TRPV3: variants seen among roughly 807,000 people sequenced by gnomAD.
TRPV3 encodes the protein transient receptor potential cation channel subfamily V member 3.
TRPV3 carries 88 observed loss-of-function variants against 87.1 expected under a neutral mutation model. The ratio of observed to expected loss-of-function variants is 1.01; its 90% CI spans 0.85 to 1.21. TRPV3 has a LOEUF of 1.21. TRPV3 is among the 50% of genes most tolerant of loss of function. The pLI is 0.00. For synonymous variants in TRPV3, 438 were observed against 423.3 expected (o/e 1.03, Z -0.43); for missense variants, 1,054 against 1,030.1 (o/e 1.02, Z -0.32).
chr17:3,544,591 G>T lies in TRPV3; in HGVS notation c.299C>A (p.Pro100His). Residue 100 changes from proline to histidine, a missense_variant, in exon 4 of 18, where the codon CCC (proline) becomes CAC (histidine). Pro to His is a moderately conservative substitution (Grantham distance 77). Coordinates refer to ENST00000576742, the MANE Select transcript of TRPV3 (RefSeq NM_145068.4). Reference protein sequence around the residue: ...QDDVTETPSNPNSPSAQLAKE... With the variant: ...QDDVTETPSNHNSPSAQLAKE... The stretch of plus-strand genomic sequence containing the variant: ...GGGGCAGACTTACCTGGGGCTGTTG[G>T]GATTGGATGGGGTCTCTGTCACATC... The T allele has an allele frequency of 1.9e-6, 3 of 1,605,306 alleles. No individual in the cohort carries two copies. The South Asian group carries it at 3.3e-5, about 18-fold the overall frequency.
rs1015014430 is a variant in TRPV3, at chr17:3,511,431, T to C, written c.*2486A>G. On this transcript the variant is annotated 3_prime_UTR_variant, in exon 18 of 18. Transcript: ENST00000576742. ...AGCCTCCACAGCTCTGATATGACCT[T>C]CCTGCATGACTTTGCCCAAGTACAC... 1.3e-5 allele frequency: 2 copies of C among 152,206 alleles called. No homozygotes were observed. The highest frequency in any genetic ancestry group is 4.8e-5 in the African/African-American group (2 of 41,456). The allele number at this position is 152,206 out of a possible 1,614,324, so 9.4% of individuals were successfully genotyped here.
chr17:3,521,357 G>A (rs1460161427), intron 13 of TRPV3, among the ~76,000 whole-genome samples: 1 of 152,192 alleles, frequency 6.6e-6, no homozygotes. Flanking sequence ...CAGCTCAGAA[G>A]AGCTCGCAAG....
rs114513940 is a variant in TRPV3 at position 3,529,248 on chromosome 17, G to A, written c.1243-253C>T. Reference sequence around the variant, plus strand: ...GAGGACCCGATGCACAGCAGAAAGTGGAGGATAGAAGCGGGCAGGAGGTGG... The same window carrying A: ...GAGGACCCGATGCACAGCAGAAAGTAGAGGATAGAAGCGGGCAGGAGGTGG... On this transcript the variant is annotated intron_variant, in intron 9 of 17. Transcript: ENST00000576742. Among the ~76,000 whole-genome samples the A allele has an allele frequency of 3.1e-3, 471 of 152,246 alleles. 2 individuals are homozygous for A. The highest frequency in any genetic ancestry group is 0.011 in the African/African-American group (438 of 41,540).
intron 14 of TRPV3, among the ~76,000 whole-genome samples, chr17:3,520,254 G>A (rs9906883): frequency 0.32 from 48,302 of 152,010 alleles, 8,129 homozygotes; most frequent in African/African-American, 0.42. Context: ...AGATCGTGCT[G>A]TTCCCTCTGT....
chr17:3,537,105 TG>T (rs1375334813), intron 6 of TRPV3, among the ~76,000 whole-genome samples: 1 of 152,150 alleles, frequency 6.6e-6, no homozygotes, highest in African/African-American at 2.4e-5. Context: ...TTTTTGGTTT[TG>T]GGGGTTTTTG....
At chr17:3,526,271 A>T (rs537581085) in intron 12 of TRPV3, among the ~76,000 whole-genome samples, 1 of 152,246 alleles carries the variant, frequency 6.6e-6, no homozygotes, top group Non-Finnish European at 1.5e-5. Context: ...TGAGGTCAGG[A>T]GTTCAAGACC....
intron 9 of TRPV3, among the ~76,000 whole-genome samples, chr17:3,529,620 T>G (rs1485019604): frequency 1.3e-5 from 2 of 151,966 alleles, no homozygotes; most frequent in Non-Finnish European, 2.9e-5. Flanking sequence ...TCTCTGACCC[T>G]CATTTGGGAC....
At position 3,516,533 on chromosome 17, in the gene TRPV3, G is replaced by T. The variant is rs771270573; in HGVS notation, c.2122C>A (p.Pro708Thr). 2.5e-6 allele frequency: 4 copies of T among 1,613,992 alleles called. No individual in the cohort carries two copies. The highest frequency in any genetic ancestry group is 2.5e-6 in the Non-Finnish European group (3 of 1,180,026). ...CGGAATCTGCTCCTCAGCCATTCTG[G>T]TAACATTTTCTCAAACTCCAAGATG... is the stretch of plus-strand genomic sequence containing the variant. ...RTILEFEKML[P>T]EWLRSRFRMG... The change falls in exon 16 of 18, where the codon CCA (proline) becomes ACA (threonine). Residue 708 changes from proline to threonine, a missense_variant. Physicochemically the swap from Pro to Thr is conservative, Grantham distance 38. Transcript: ENST00000576742.
chr17:3,521,039 C>A lies in TRPV3; in HGVS notation c.1744G>T (p.Val582Phe). ...AACTTCAGAACATCATGCAAAATGA[C>A]CTATAAGGAAATAAACATAATTCAA... ...MGMYSVMIQK[V>F]ILHDVLKFLF... The change falls in exon 14 of 18, where the codon GTC becomes TTC. Residue 582 changes from valine (V) to phenylalanine (F), a missense_variant and splice_region_variant. Coordinates refer to ENST00000576742, the MANE Select transcript of TRPV3 (RefSeq NM_145068.4). 6.2e-7 allele frequency: 1 copy of A among 1,603,350 alleles called. No individual in the cohort carries two copies. Among genetic ancestry groups the A allele is most frequent in the Non-Finnish European group, 8.5e-7 (1 of 1,172,718 alleles).
chr17:3,519,850 C>A (rs866628605), intron 14 of TRPV3, among the ~76,000 whole-genome samples: 21 of 107,658 alleles, frequency 2.0e-4, no homozygotes, highest in South Asian at 3.6e-4. Context: ...GGATGGATGA[C>A]TGGATGGATG....
Position 3,523,325 on chromosome 17 carries a change from C to T in TRPV3, c.1743+873G>A, listed in dbSNP as rs1304168955. Among the ~76,000 whole-genome samples the T allele has an allele frequency of 3.3e-5, 5 of 152,300 alleles. No homozygotes were observed. In the South Asian group the frequency reaches 8.3e-4, roughly 25 times the overall value. ...TAAATCTTAATTGTTTCACTTCAAT[C>T]ACTGCTTATAAAGAAAACTCTCAAC... On this transcript the variant is annotated intron_variant, in intron 13 of 17. Transcript: ENST00000576742.
chr17:3,524,827 A>G (rs2074281191), intron 12 of TRPV3, among the ~76,000 whole-genome samples: 1 of 150,604 alleles, frequency 6.6e-6, no homozygotes, highest in South Asian at 2.1e-4. Context: ...AAAAAAAAAG[A>G]AAAGAAAAAT....
intron 14 of TRPV3, among the ~76,000 whole-genome samples, chr17:3,519,896 G>GAATA (rs2074229364): frequency 8.3e-6 from 1 of 120,868 alleles, no homozygotes; most frequent in Non-Finnish European, 1.9e-5. Flanking sequence ...ATGATTGGAT[G>GAATA]GATGATTAGA....
rs925062660 is a variant in TRPV3 at position 3,535,532 on chromosome 17, C to A, written c.784+41G>T. On this transcript the variant is annotated intron_variant, in intron 7 of 17. Coordinates refer to ENST00000576742, the MANE Select transcript of TRPV3 (RefSeq NM_145068.4). ...TCCCTTCCTCTCCCGTCTCCCTCCT[C>A]CCTCCTCCCAGACTCCGCACCGGGC... 1.1e-5 allele frequency: 17 copies of A among 1,532,172 alleles called. 1 individual carries two copies. Among genetic ancestry groups the A allele is most frequent in the Non-Finnish European group, 1.5e-5 (17 of 1,138,392 alleles). 94.9% of individuals were successfully genotyped at this position (1,532,172 alleles called of 1,614,324 possible). A position where few individuals can be genotyped will look rare whatever the true frequency, so the allele number is the denominator to read the frequency against.
rs1367189663 is a variant in TRPV3, at chr17:3,512,554, C to T, written c.*1363G>A. The T allele has an allele frequency of 6.6e-6, 1 of 152,198 alleles. No homozygotes were observed. The highest frequency in any genetic ancestry group is 6.5e-5 in the Admixed American group (1 of 15,284). 9.4% of individuals were successfully genotyped at this position (152,198 alleles called of 1,614,324 possible). ...CATTTAAGATTAACATTTATGGTTA[C>T]TATTTTTATAATTCCACCTCGAACA... On this transcript the variant is annotated 3_prime_UTR_variant, in exon 18 of 18. Coordinates refer to ENST00000576742, the MANE Select transcript of TRPV3 (RefSeq NM_145068.4).
At chr17:3,534,061 C>T (rs1056685939) in intron 7 of TRPV3, among the ~76,000 whole-genome samples, 4 of 152,122 alleles carry the variant, frequency 2.6e-5, no homozygotes, top group Admixed American at 6.6e-5. Flanking sequence ...CGACCAGCTC[C>T]GGACACCAGG....
At chr17:3,541,340 C>G (rs1455184221) in intron 6 of TRPV3, among the ~76,000 whole-genome samples, 1 of 152,194 alleles carries the variant, frequency 6.6e-6, no homozygotes, top group Admixed American at 6.5e-5. Context: ...TGCACTCCAG[C>G]CTAGGCAACA....
chr17:3,518,122 A>C lies in TRPV3; in HGVS notation c.2085+454T>G, dbSNP rs1285218710. Among the ~76,000 whole-genome samples the C allele has an allele frequency of 1.3e-5, 2 of 152,036 alleles. No individual in the cohort carries two copies. The highest frequency in any genetic ancestry group is 2.9e-5 in the Non-Finnish European group (2 of 68,002). On this transcript the variant is annotated intron_variant, in intron 15 of 17. Transcript: ENST00000576742. The surrounding 1 kb of genome is among the most constrained non-coding windows in gnomAD (Gnocchi z 4.3). Reference sequence around the variant, plus strand: ...GGGTGAGCCACCATGCCCGGCCGCCAACCACCATTTCTTAAGAGGCAGTCT... The same window carrying C: ...GGGTGAGCCACCATGCCCGGCCGCCCACCACCATTTCTTAAGAGGCAGTCT...
chr17:3,515,707 A>G (rs184751081), intron 16 of TRPV3, among the ~76,000 whole-genome samples: 1,531 of 151,260 alleles, frequency 0.01, 8 homozygotes, highest in Non-Finnish European at 0.017. Context: ...AAAAAAATGC[A>G]AAAAGCCAGA....
Sources: gnomAD v4.1 joint callset for allele counts (sites outside exome capture counted in the v4.1 genomes callset) on GRCh38, gnomAD v4.1.1 for gene constraint, Gnocchi (gnomAD v3.1) non-coding constraint, MANE v1.5 for transcripts, NCBI Gene and HGNC (gene_info 2026-07-23, HGNC 2026-07-21) for gene names.